Variants in GRIK4 observed in about 807,000 individuals in gnomAD.
GRIK4 encodes the protein glutamate ionotropic receptor kainate type subunit 4.
GRIK4 carries 40 observed loss-of-function variants against 104.9 expected under a neutral mutation model. The ratio of observed to expected loss-of-function variants is 0.38; its 90% confidence interval spans 0.30 to 0.50. The LOEUF (loss-of-function observed/expected upper bound fraction) is 0.50. Ranked by LOEUF, GRIK4 falls within the 20% of genes least tolerant of loss-of-function variation. The probability of loss-of-function intolerance (pLI) is 0.93; values close to 1 mark genes in which losing one functional copy is unlikely to be tolerated. For missense variants in GRIK4, 1,047 were observed against 1,308.1 expected, an observed-to-expected ratio of 0.80 and a Z score of 3.08; for synonymous variants, 485 against 524.9, an observed-to-expected ratio of 0.92 and a Z score of 1.04.
intron 11 of GRIK4, among the ~76,000 whole-genome samples, chr11:120,892,163 G>A (rs1347020178): frequency 6.6e-6 from 1 of 152,196 alleles, no homozygotes; most frequent in Non-Finnish European, 1.5e-5. Context: ...GCTGTGGCGG[G>A]AAGGAGCCTG....
chr11:120,874,332 A>ACAG (rs1263244934), intron 10 of GRIK4, 114 bp downstream of exon 10: 1 of 796,000 alleles, frequency 1.3e-6, no homozygotes, highest in African/African-American at 1.7e-5. Flanking sequence ...GTCTGTTATT[A>ACAG]CAGCCCCAGA....
At chr11:120,531,430 C>T (rs116339709) in intron 1 of GRIK4, among the ~76,000 whole-genome samples, 2,572 of 152,308 alleles carry the variant, frequency 0.017, 76 homozygotes, top group African/African-American at 0.059. Flanking sequence ...TTCCAATGCT[C>T]TGTACATGTG....
intron 3 of GRIK4, among the ~76,000 whole-genome samples, chr11:120,684,803 C>T (rs950312615): frequency 5.3e-5 from 8 of 152,194 alleles, no homozygotes; most frequent in African/African-American, 9.6e-5. Flanking sequence ...CTCCGCCTCC[C>T]GGCTTCACGC....
chr11:120,627,132 C>G (rs1949270335), intron 1 of GRIK4, among the ~76,000 whole-genome samples: 1 of 152,192 alleles, frequency 6.6e-6, no homozygotes, highest in Non-Finnish European at 1.5e-5. Flanking sequence ...GTGTCACCAG[C>G]CCACTTTATC....
rs375008489 is a variant in GRIK4, at chr11:120,538,020, A to G, written c.-159+26133A>G. Among the ~76,000 whole-genome samples, 15 of 152,364 alleles carry G rather than the reference A, an allele frequency of 9.8e-5. No individual in the cohort carries two copies. The South Asian group carries it at 2.9e-3, about 29-fold the overall frequency. On this transcript the variant is annotated intron_variant, in intron 1 of 20. Coordinates refer to ENST00000527524, the MANE Select transcript of GRIK4 (RefSeq NM_014619.5). The stretch of plus-strand genomic sequence containing the variant: ...AAGGTTTAAATAAAAATCTTTTCTT[A>G]GTTATTTAGCCTTAATAAACAAAAG...
rs926270567 is a variant in GRIK4, at chr11:120,956,737, C to A, written c.1701-43C>A. 1 of 1,434,662 alleles carries A rather than the reference C, an allele frequency of 7.0e-7. No individual in the cohort carries two copies. Among genetic ancestry groups the A allele is most frequent in the South Asian group, 1.6e-5 (1 of 60,798 alleles). 88.9% of individuals were successfully genotyped at this position (1,434,662 alleles called of 1,614,324 possible). ...GAGAGCCTGCCTGTGTCCCTTCACA[C>A]CCCGCCTCTGTGGCACTAGTGTATG... On this transcript the variant is annotated intron_variant, in intron 15 of 20. Transcript: ENST00000527524. The surrounding 1 kb of genome is among the most constrained non-coding windows in gnomAD (Gnocchi z 4.6).
intron 13 of GRIK4, among the ~76,000 whole-genome samples, chr11:120,927,489 C>A (rs2134592581): frequency 6.7e-6 from 1 of 148,720 alleles, no homozygotes; most frequent in Admixed American, 6.8e-5. Context: ...ACTGCTTGAA[C>A]CTGAGAGGCG....
At chr11:120,928,240 C>T (rs1198089720) in intron 13 of GRIK4, among the ~76,000 whole-genome samples, 2 of 145,776 alleles carry the variant, frequency 1.4e-5, no homozygotes, top group Admixed American at 1.4e-4. Context: ...AGCTAGAAGG[C>T]GACACGGAGA....
intron 3 of GRIK4, among the ~76,000 whole-genome samples, chr11:120,797,308 C>G (rs1024108699): frequency 6.6e-6 from 1 of 152,182 alleles, no homozygotes; most frequent in African/African-American, 2.4e-5. Context: ...CATATTATTC[C>G]TCATTAGGCA....
chr11:120,796,323 T>C (rs982186068), intron 3 of GRIK4, among the ~76,000 whole-genome samples: 1 of 152,188 alleles, frequency 6.6e-6, no homozygotes, highest in African/African-American at 2.4e-5. Flanking sequence ...GCGTGAGCCA[T>C]CGTGCCTGGC....
chr11:120,593,588 C>T (rs1243950178), intron 1 of GRIK4, among the ~76,000 whole-genome samples: 1 of 152,068 alleles, frequency 6.6e-6, no homozygotes, highest in Non-Finnish European at 1.5e-5. Context: ...CCAAGCCTTG[C>T]CCCCCACTTC....
chr11:120,962,822 A>ATTT, intron 18 of GRIK4, 141 bp downstream of exon 18: 1 of 461,086 alleles, frequency 2.2e-6, no homozygotes, highest in Non-Finnish European at 3.8e-6. Flanking sequence ...GGCATTCTAA[A>ATTT]GTTTTTTTTT....
intron 6 of GRIK4, among the ~76,000 whole-genome samples, chr11:120,825,765 A>G (rs1417605997): frequency 6.6e-6 from 1 of 152,216 alleles, no homozygotes; most frequent in Non-Finnish European, 1.5e-5. Flanking sequence ...ACAAGACGAT[A>G]ATAATGTCTA....
At chr11:120,527,175 G>A (rs1166162605) in intron 1 of GRIK4, among the ~76,000 whole-genome samples, 2 of 152,178 alleles carry the variant, frequency 1.3e-5, no homozygotes, top group Non-Finnish European at 2.9e-5. Context: ...ATCCCGCCTC[G>A]GCTTGCCGGG....
chr11:120,574,302 TTCTCCCAA>T (rs1159258280), intron 1 of GRIK4, among the ~76,000 whole-genome samples: 8 of 152,182 alleles, frequency 5.3e-5, no homozygotes, highest in Non-Finnish European at 1.2e-4. Context: ...GTTTTAGGTC[TTCTCCCAA>T]AGAGGGAATG....
chr11:120,698,633 C>A (rs765014291), intron 3 of GRIK4, among the ~76,000 whole-genome samples: 5 of 152,228 alleles, frequency 3.3e-5, no homozygotes, highest in Non-Finnish European at 7.3e-5. Flanking sequence ...GATTTTGCCT[C>A]CATCATGCCA....
intron 3 of GRIK4, among the ~76,000 whole-genome samples, chr11:120,661,415 A>G (rs968134608): frequency 1.3e-5 from 2 of 152,164 alleles, no homozygotes; most frequent in Non-Finnish European, 2.9e-5. Flanking sequence ...ACGGATAACC[A>G]CATGAGGCCC....
At chr11:120,938,543 A>G (rs1201063174) in intron 13 of GRIK4, among the ~76,000 whole-genome samples, 1 of 152,210 alleles carries the variant, frequency 6.6e-6, no homozygotes, top group Non-Finnish European at 1.5e-5. Flanking sequence ...GATCTTTGCC[A>G]ATGGATTTAT....
intron 3 of GRIK4, among the ~76,000 whole-genome samples, chr11:120,722,215 T>G (rs759236964): frequency 6.6e-6 from 1 of 152,126 alleles, no homozygotes; most frequent in Non-Finnish European, 1.5e-5. Context: ...AATTAAAAAT[T>G]TCTTGTGTTT....
Sources: allele counts gnomAD v4.1 joint callset (sites outside exome capture counted in the v4.1 genomes callset), GRCh38; gene constraint gnomAD v4.1.1; non-coding constraint Gnocchi (gnomAD v3.1); transcripts MANE v1.5; gene names NCBI Gene and HGNC (gene_info 2026-07-23, HGNC 2026-07-21).